DSTYK: variants seen among roughly 807,000 people sequenced by gnomAD.
DSTYK encodes the protein RIP-homologous kinase.
A neutral mutation model predicts 98.7 loss-of-function variants in DSTYK; 34 were observed. The ratio of observed to expected loss-of-function variants is 0.34; its 90% CI spans 0.26 to 0.46. DSTYK has a LOEUF of 0.46. Ranked by LOEUF, DSTYK falls within the 20% of genes least tolerant of loss-of-function variation. The pLI is 1.00. For missense variants in DSTYK, 962 were observed against 1,181.7 expected (o/e 0.81, Z 2.73); for synonymous variants, 462 against 457.3 (o/e 1.01, Z -0.13).
rs772294448 is a variant in DSTYK, at chr1:205,147,511, G to A, written c.*47C>T. 8.3e-6 allele frequency: 13 copies of A among 1,572,566 alleles called. No individual in the cohort carries two copies. The East Asian group carries it at 2.9e-4, about 36-fold the overall frequency. ...CAAATTCTCCCCATGGCCAAAAGGT[G>A]AGGGGGAAGGAAATAACTAGAGAGT... On this transcript the variant is annotated 3_prime_UTR_variant, in exon 13 of 13. Coordinates refer to ENST00000367162, the MANE Select transcript of DSTYK (RefSeq NM_015375.3).
chr1:205,194,623 C>T (rs1257822433), intron 1 of DSTYK, among the ~76,000 whole-genome samples: 1 of 151,256 alleles, frequency 6.6e-6, no homozygotes, highest in Non-Finnish European at 1.5e-5. Context: ...GTTCAAGCGA[C>T]CCTCCCACCT....
intron 10 of DSTYK, among the ~76,000 whole-genome samples, chr1:205,156,243 G>A (rs1657557489): frequency 6.6e-6 from 1 of 152,238 alleles, no homozygotes; most frequent in Non-Finnish European, 1.5e-5. Context: ...TAGTGGAGCT[G>A]TGAGAAGAAG....
chr1:205,145,904 C>T lies in DSTYK; in HGVS notation c.*1654G>A, dbSNP rs1407442254. ...GAAGTCAAGTGCATCTGAGATGCAC[C>T]AATATTTAAATTGTTCCCCTTCCTC... is the stretch of plus-strand genomic sequence containing the variant. On this transcript the variant is annotated 3_prime_UTR_variant, in exon 13 of 13. Transcript: ENST00000367162. 1 of 152,018 alleles carries T rather than the reference C, an allele frequency of 6.6e-6. No individual in the cohort carries two copies. The highest frequency in any genetic ancestry group is 6.6e-5 in the Admixed American group (1 of 15,256). 9.4% of individuals were successfully genotyped at this position (152,018 alleles called of 1,614,324 possible). A position where few individuals can be genotyped will look rare whatever the true frequency, so the allele number is the denominator to read the frequency against.
intron 1 of DSTYK, 76 bp from the exon 2 acceptor site, chr1:205,187,882 T>C: frequency 7.6e-7 from 1 of 1,314,358 alleles, no homozygotes; most frequent in Non-Finnish European, 1.0e-6. Flanking sequence ...AGAGAGAGAC[T>C]CACGCAGAAA....
chr1:205,154,084 T>TGCGC (rs1351731417), intron 10 of DSTYK, among the ~76,000 whole-genome samples: 2 of 144,788 alleles, frequency 1.4e-5, no homozygotes, highest in African/African-American at 5.0e-5. Context: ...TGTGTGTGTG[T>TGCGC]GCATGTATAG....
intron 1 of DSTYK, among the ~76,000 whole-genome samples, chr1:205,194,466 G>T (rs1157692839): frequency 6.6e-6 from 1 of 151,932 alleles, no homozygotes. Flanking sequence ...GTTAATTCAG[G>T]TCTCAACAGA....
chr1:205,169,299 T>C lies in DSTYK; in HGVS notation c.1188A>G (p.Lys396=), dbSNP rs1437372023. The change falls in exon 3 of 13, where the codon AAA becomes AAG. Residue 396 remains lysine (K), a synonymous_variant. Coordinates refer to ENST00000367162, the MANE Select transcript of DSTYK (RefSeq NM_015375.3). The surrounding 1 kb of genome is among the most constrained non-coding windows in gnomAD (Gnocchi z 4.0). The part of the protein sequence containing the change: ...ITPKRLEYTR[K]KENELYESLM... ...ATGATTCATACAACTCATTCTCCTT[T>C]TTTCGAGTATATTCCAGACGTTTGG... 5 of 1,614,142 alleles carry C rather than the reference T, an allele frequency of 3.1e-6. No homozygotes were observed. Among genetic ancestry groups the C allele is most frequent in the Admixed American group, 3.3e-5 (2 of 60,004 alleles).
rs758360038 is a variant in DSTYK at position 205,181,653 on chromosome 1, G to GGGGTGTGTGTGTGT, written c.654+5764_654+5765insACACACACACACCC. ...CACAGATGTGAGCCACAGATGTTGGGGTTTGTGTGTGTGTGTGTGTGTGTG... is the reference window on the plus strand; with the variant it reads ...CACAGATGTGAGCCACAGATGTTGGGGGGTGTGTGTGTGTGTTTGTGTGTGTGTGTGTGTGTGTG... On this transcript the variant is annotated intron_variant, in intron 2 of 12. Transcript: ENST00000367162. 3.0e-4 allele frequency among the ~76,000 whole-genome samples: 25 copies of GGGGTGTGTGTGTGT among 84,048 alleles called. No individual in the cohort carries two copies. In the East Asian group the frequency reaches 4.1e-3, roughly 14 times the overall value. 55.1% of individuals were successfully genotyped at this position (84,048 alleles called of 152,430 possible).
chr1:205,156,274 A>C (rs1657558439), intron 10 of DSTYK, among the ~76,000 whole-genome samples: 2 of 152,096 alleles, frequency 1.3e-5, no homozygotes, highest in Admixed American at 1.3e-4. Context: ...TCTAGAACCC[A>C]GAAGGGTAGA....
rs370809794 is a variant in DSTYK at position 205,147,581 on chromosome 1, T to C, written c.2767A>G (p.Arg923Gly). The C allele has an allele frequency of 3.3e-5, 53 of 1,611,972 alleles. No homozygotes were observed. The highest frequency in any genetic ancestry group is 4.2e-5 in the Non-Finnish European group (50 of 1,178,252). Residue 923 changes from arginine to glycine, a missense_variant, in exon 13 of 13, where the codon AGA becomes GGA. Coordinates refer to ENST00000367162, the MANE Select transcript of DSTYK (RefSeq NM_015375.3). ...LCKSNSEQPN[R>G]GLDDST ...TTTCAAGTAGAATCATCTAGTCCTCTGTTTGGCTGCTCAGAATTGGACTTG... is the reference window on the plus strand; with the variant it reads ...TTTCAAGTAGAATCATCTAGTCCTCCGTTTGGCTGCTCAGAATTGGACTTG...
At chr1:205,185,018 T>A (rs185583543) in intron 2 of DSTYK, among the ~76,000 whole-genome samples, 1 of 152,194 alleles carries the variant, frequency 6.6e-6, no homozygotes, top group East Asian at 1.9e-4. Flanking sequence ...CTGGCCAACA[T>A]GGCGAAACCC....
intron 2 of DSTYK, among the ~76,000 whole-genome samples, chr1:205,186,773 C>T (rs142916280): frequency 8.7e-4 from 132 of 152,300 alleles, no homozygotes; most frequent in Middle Eastern, 6.8e-3. Context: ...TGATATCTTA[C>T]GAGATGGCAC....
intron 1 of DSTYK, among the ~76,000 whole-genome samples, chr1:205,189,830 C>T (rs1658659370): frequency 6.6e-6 from 1 of 152,184 alleles, no homozygotes; most frequent in African/African-American, 2.4e-5. Flanking sequence ...AATCTACTCT[C>T]CTTGGAAAGA....
chr1:205,183,444 T>C (rs1458176508), intron 2 of DSTYK, among the ~76,000 whole-genome samples: 1 of 152,190 alleles, frequency 6.6e-6, no homozygotes, highest in Non-Finnish European at 1.5e-5. Flanking sequence ...TGAGTTGGCC[T>C]ATTCTGGAAC....
In DSTYK at chr1:205,203,515, A is replaced by G. The variant is rs1420920421; in HGVS notation, c.265+7756T>C. Among the ~76,000 whole-genome samples the G allele has an allele frequency of 7.1e-4, 44 of 62,222 alleles. 1 individual carries two copies. Among genetic ancestry groups the G allele is most frequent in the Admixed American group, 1.6e-3 (8 of 5,024 alleles). 40.8% of individuals were successfully genotyped at this position (62,222 alleles called of 152,430 possible). ...AGGGGAGGGGAGGGGTAGGGTAGGG[A>G]AGGGGAGGGGAGGGGAGGGGTACGG... On this transcript the variant is annotated intron_variant, in intron 1 of 12. Transcript: ENST00000367162.
chr1:205,182,551 A>G (rs1344399542), intron 2 of DSTYK, among the ~76,000 whole-genome samples: 1 of 148,904 alleles, frequency 6.7e-6, no homozygotes, highest in Non-Finnish European at 1.5e-5. Flanking sequence ...CACGCCTGTA[A>G]TCCCGGCACT....
At position 205,166,682 on chromosome 1, in the gene DSTYK, C is replaced by T. The variant is rs1207945374; in HGVS notation, c.1324+2481G>A. ...TGTCTTTAATCAAATATTGAGAAGA[C>T]TTCCTAAGATTTCCACTGCAAGTAA... On this transcript the variant is annotated intron_variant, in intron 3 of 12. Transcript: ENST00000367162. 2.6e-5 allele frequency among the ~76,000 whole-genome samples: 4 copies of T among 152,298 alleles called. No homozygotes were observed. The East Asian group carries it at 7.7e-4, about 29-fold the overall frequency.
Position 205,161,246 on chromosome 1 carries a change from A to C in DSTYK, c.1948+12T>G. 1 of 1,613,776 alleles carries C rather than the reference A, an allele frequency of 6.2e-7. No individual in the cohort carries two copies. On this transcript the variant is annotated intron_variant, in intron 7 of 12. Coordinates refer to ENST00000367162, the MANE Select transcript of DSTYK (RefSeq NM_015375.3). Reference sequence around the variant, plus strand: ...CCATCCTCCAGTTTATCTAGAAGAAAACCAGACTCACGATGAAGCAAGACA... The same window carrying C: ...CCATCCTCCAGTTTATCTAGAAGAACACCAGACTCACGATGAAGCAAGACA...
chr1:205,174,242 A>T (rs12023022), intron 2 of DSTYK, among the ~76,000 whole-genome samples: 2 of 151,708 alleles, frequency 1.3e-5, no homozygotes, highest in Non-Finnish European at 2.9e-5. Flanking sequence ...AGGCTGGGCA[A>T]GGTGGCTCAC....
Sources: allele counts gnomAD v4.1 joint callset (sites outside exome capture counted in the v4.1 genomes callset), GRCh38; gene constraint gnomAD v4.1.1; non-coding constraint Gnocchi (gnomAD v3.1); transcripts MANE v1.5; gene names NCBI Gene and HGNC (gene_info 2026-07-23, HGNC 2026-07-21).